RIGI: variants seen among roughly 807,000 people sequenced by gnomAD.
RIGI encodes the protein antiviral innate immune response receptor RIG-I.
the RIGI span, among the ~76,000 whole-genome samples, chr9:32,472,541 A>G: frequency 6.6e-6 from 1 of 152,230 alleles, no homozygotes; most frequent in African/African-American, 2.4e-5. Flanking sequence ...AGTTCACTCC[A>G]GGTGGGCCTG....
chr9:32,486,473 AGAAGT>A, the RIGI span, among the ~76,000 whole-genome samples: 3 of 151,322 alleles, frequency 2.0e-5, no homozygotes, highest in Admixed American at 6.6e-5. Context: ...AAAAAAAAAA[AGAAGT>A]AGTACACGCA....
chr9:32,524,069 G>C, the RIGI span, among the ~76,000 whole-genome samples: 2 of 152,044 alleles, frequency 1.3e-5, no homozygotes, highest in African/African-American at 4.8e-5. Flanking sequence ...TATCTGGGAA[G>C]CTTTGGCTGT....
chr9:32,519,161 A>G, the RIGI span, among the ~76,000 whole-genome samples: 2 of 152,166 alleles, frequency 1.3e-5, no homozygotes, highest in Non-Finnish European at 2.9e-5. Flanking sequence ...GAAAATTTTC[A>G]GGTTGGTTTC....
chr9:32,473,055 T>A, the RIGI span: 1 of 1,605,352 alleles, frequency 6.2e-7, no homozygotes, highest in Non-Finnish European at 8.5e-7. Flanking sequence ...TTCAATCCAA[T>A]TTTTTAAAGC....
the RIGI span, among the ~76,000 whole-genome samples, chr9:32,462,404 C>CTTTT: frequency 3.0e-3 from 254 of 85,916 alleles, 6 homozygotes; most frequent in African/African-American, 0.01. Context: ...TTAGATCTAG[C>CTTTT]TTTTTTTTTT....
the RIGI span, among the ~76,000 whole-genome samples, chr9:32,510,615 A>G: frequency 2.0e-3 from 311 of 152,364 alleles, no homozygotes; most frequent in African/African-American, 7.3e-3. Flanking sequence ...GAAAACTGGT[A>G]CCAGCCACTG....
chr9:32,465,503 A>G, the RIGI span, among the ~76,000 whole-genome samples: 2 of 152,212 alleles, frequency 1.3e-5, no homozygotes, highest in Admixed American at 1.3e-4. Context: ...CACGTATTTT[A>G]TGCCAGGCGC....
chr9:32,457,492 A>AG, the RIGI span: 25 of 1,260,228 alleles, frequency 2.0e-5, no homozygotes, highest in African/African-American at 1.2e-4. Flanking sequence ...TTAAAAAAAA[A>AG]AAAAAGAAAA....
chr9:32,455,492 C>G, the RIGI span, among the ~76,000 whole-genome samples: 3 of 152,154 alleles, frequency 2.0e-5, no homozygotes, highest in Non-Finnish European at 2.9e-5. Context: ...AACTAACTCA[C>G]TATCCCAAGA....
the RIGI span, among the ~76,000 whole-genome samples, chr9:32,461,126 G>A: frequency 6.6e-6 from 1 of 151,908 alleles, no homozygotes; most frequent in African/African-American, 2.4e-5. Context: ...AACGATGGAG[G>A]CTACCTGGAA....
the RIGI span, among the ~76,000 whole-genome samples, chr9:32,497,097 G>A: frequency 6.6e-6 from 1 of 152,078 alleles, no homozygotes; most frequent in Non-Finnish European, 1.5e-5. Context: ...ATGCCATTGC[G>A]ATTTTGATAG....
the RIGI span, chr9:32,500,712 G>T: frequency 6.9e-7 from 1 of 1,459,576 alleles, no homozygotes. Flanking sequence ...AACTATAAGT[G>T]GATACTTCAA....
At chr9:32,469,962 GTT>G in the RIGI span, among the ~76,000 whole-genome samples, 1 of 152,162 alleles carries the variant, frequency 6.6e-6, no homozygotes, top group Non-Finnish European at 1.5e-5. Flanking sequence ...GGACTCAAGA[GTT>G]TGTGGAAAAA....
the RIGI span, among the ~76,000 whole-genome samples, chr9:32,498,797 ATG>A: frequency 3.3e-5 from 5 of 152,096 alleles, no homozygotes; most frequent in African/African-American, 1.2e-4. Context: ...AACCTGACCA[ATG>A]TGGCAAAACC....
chr9:32,511,886 T>C, the RIGI span, among the ~76,000 whole-genome samples: 1 of 151,932 alleles, frequency 6.6e-6, no homozygotes, highest in Non-Finnish European at 1.5e-5. Context: ...ACAATAAAAA[T>C]AATAAAGGGG....
chr9:32,485,837 C>T, the RIGI span, among the ~76,000 whole-genome samples: 1 of 152,078 alleles, frequency 6.6e-6, no homozygotes, highest in Non-Finnish European at 1.5e-5. Context: ...CCGCACCCGG[C>T]CTAACCAGCT....
At chr9:32,507,261 G>T in the RIGI span, among the ~76,000 whole-genome samples, 1 of 152,100 alleles carries the variant, frequency 6.6e-6, no homozygotes, top group Non-Finnish European at 1.5e-5. Flanking sequence ...TATGCTTTGG[G>T]AATTTATTAA....
the RIGI span, chr9:32,488,191 T>C: frequency 1.2e-6 from 2 of 1,613,972 alleles, no homozygotes; most frequent in Non-Finnish European, 1.7e-6. Context: ...CAGAAATGCC[T>C]GTAACTCTAT....
chr9:32,507,643 TTTTA>T, the RIGI span, among the ~76,000 whole-genome samples: 17 of 151,992 alleles, frequency 1.1e-4, no homozygotes, highest in Non-Finnish European at 1.9e-4. Flanking sequence ...TTTATCTCTT[TTTTA>T]TTTATTTATT....
Sources: allele counts gnomAD v4.1 joint callset (sites outside exome capture counted in the v4.1 genomes callset), GRCh38; gene constraint gnomAD v4.1.1; transcripts MANE v1.5; gene names NCBI Gene and HGNC (gene_info 2026-07-23, HGNC 2026-07-21).